Variants in CREB5 observed in about 807,000 individuals in gnomAD.
CREB5 encodes cyclic AMP-responsive element-binding protein 5.
In CREB5, 19 loss-of-function variants were observed where a neutral mutation model predicts 57.1. The observed-to-expected ratio is 0.33, with a 90% confidence interval of 0.23 to 0.49. The LOEUF (loss-of-function observed/expected upper bound fraction) is 0.49. Among genes scored for constraint, CREB5 ranks in the 20% least tolerant of loss-of-function variants. CREB5 has a pLI of 0.99. For synonymous variants in CREB5, 238 were observed against 238.3 expected (o/e 1.00, Z 0.01); for missense variants, 579 against 671.6 (o/e 0.86, Z 1.52).
chr7:28,710,476 A>G (rs947872743), intron 5 of CREB5, among the ~76,000 whole-genome samples: 2 of 152,190 alleles, frequency 1.3e-5, no homozygotes, highest in South Asian at 4.1e-4. Flanking sequence ...GAGAAGAGAC[A>G]TTTTTAAAAA....
At chr7:28,520,535 T>G (rs1299441421) in intron 4 of CREB5, among the ~76,000 whole-genome samples, 2 of 152,230 alleles carry the variant, frequency 1.3e-5, no homozygotes, top group African/African-American at 4.8e-5. Flanking sequence ...AACGGCTGTT[T>G]GGTGATTCTG....
chr7:28,793,332 C>T (rs1275068343), intron 7 of CREB5, among the ~76,000 whole-genome samples: 1 of 152,208 alleles, frequency 6.6e-6, no homozygotes, highest in African/African-American at 2.4e-5. Flanking sequence ...ACAATCTAAA[C>T]TTCCATACAG....
chr7:28,718,520 A>G (rs1802832576), intron 5 of CREB5, among the ~76,000 whole-genome samples: 1 of 152,246 alleles, frequency 6.6e-6, no homozygotes, highest in Non-Finnish European at 1.5e-5. Context: ...CAGTTAGATA[A>G]CAGAGGTCAG....
At chr7:28,535,283 G>A (rs1793906385) in intron 4 of CREB5, among the ~76,000 whole-genome samples, 1 of 135,802 alleles carries the variant, frequency 7.4e-6, no homozygotes, top group African/African-American at 2.7e-5. Flanking sequence ...AGTCCTCTGT[G>A]GTTAAACCAA....
intron 6 of CREB5, among the ~76,000 whole-genome samples, chr7:28,722,701 G>T (rs149481388): frequency 6.6e-6 from 1 of 152,280 alleles, no homozygotes; most frequent in East Asian, 1.9e-4. Flanking sequence ...GTACGGAAGT[G>T]CTTGGAAATG....
chr7:28,638,250 A>G (rs959355053), intron 5 of CREB5, among the ~76,000 whole-genome samples: 1 of 132,824 alleles, frequency 7.5e-6, no homozygotes, highest in Admixed American at 7.8e-5. Context: ...TTGCTATCTT[A>G]AAGAAAGAAA....
intron 1 of CREB5, among the ~76,000 whole-genome samples, chr7:28,447,391 A>T (rs1453419063): frequency 6.6e-6 from 1 of 152,228 alleles, no homozygotes; most frequent in African/African-American, 2.4e-5. Context: ...AGTTCCCTTC[A>T]AACAAGTTTC....
At chr7:28,306,635 A>C (rs1166990923) in intron 1 of CREB5, among the ~76,000 whole-genome samples, 1 of 130,310 alleles carries the variant, frequency 7.7e-6, no homozygotes, top group African/African-American at 2.9e-5. Flanking sequence ...ATCTCGGCTC[A>C]CTGCAAGCTC....
At chr7:28,395,712 G>A (rs534283579) in intron 1 of CREB5, among the ~76,000 whole-genome samples, 9 of 152,248 alleles carry the variant, frequency 5.9e-5, no homozygotes, top group Admixed American at 5.9e-4. Flanking sequence ...TACCCTGGTG[G>A]GGCCAAGAAT....
At chr7:28,792,577 G>A (rs1191327136) in intron 7 of CREB5, among the ~76,000 whole-genome samples, 4 of 152,146 alleles carry the variant, frequency 2.6e-5, no homozygotes, top group African/African-American at 9.7e-5. Context: ...TAACTTTCTA[G>A]ACACACACAC....
intron 9 of CREB5, among the ~76,000 whole-genome samples, chr7:28,816,235 G>A (rs539298991): frequency 1.8e-4 from 27 of 152,264 alleles, no homozygotes; most frequent in African/African-American, 6.0e-4. Flanking sequence ...AAGGCCATCT[G>A]AATTTAGATA....
chr7:28,415,374 G>A (rs1207469289), intron 1 of CREB5, among the ~76,000 whole-genome samples: 1 of 152,166 alleles, frequency 6.6e-6, no homozygotes, highest in African/African-American at 2.4e-5. Flanking sequence ...CCTGCCTCCA[G>A]GTCGGGTGCT....
chr7:28,560,803 T>TGC (rs1795060155), intron 4 of CREB5, among the ~76,000 whole-genome samples: 1 of 58,322 alleles, frequency 1.7e-5, no homozygotes, highest in Non-Finnish European at 3.8e-5. Context: ...CCACAGTGTG[T>TGC]GTGCGCGTGT....
intron 1 of CREB5, among the ~76,000 whole-genome samples, chr7:28,428,167 G>T (rs749379434): frequency 1.3e-5 from 2 of 152,174 alleles, no homozygotes; most frequent in Admixed American, 6.5e-5. Flanking sequence ...TGGTACAAGG[G>T]CCCTGCTGTT....
intron 5 of CREB5, among the ~76,000 whole-genome samples, chr7:28,600,296 G>A (rs1254888188): frequency 1.3e-5 from 2 of 152,106 alleles, no homozygotes; most frequent in Non-Finnish European, 1.5e-5. Context: ...AAAAACCATC[G>A]ACTGTCCTGA....
intron 1 of CREB5, among the ~76,000 whole-genome samples, chr7:28,418,362 A>T (rs748238852): frequency 9.9e-5 from 15 of 152,212 alleles, no homozygotes; most frequent in Non-Finnish European, 1.9e-4. Flanking sequence ...AAAAGTATAA[A>T]ATAAAAAATA....
intron 1 of CREB5, among the ~76,000 whole-genome samples, chr7:28,463,427 T>C (rs988151723): frequency 2.6e-5 from 4 of 152,212 alleles, no homozygotes; most frequent in African/African-American, 7.2e-5. Context: ...TGAATTTTCA[T>C]ATCGATTTTA....
intron 9 of CREB5, among the ~76,000 whole-genome samples, chr7:28,813,093 C>T (rs1437119618): frequency 1.3e-5 from 2 of 152,222 alleles, no homozygotes; most frequent in East Asian, 3.8e-4. Flanking sequence ...ACCACCTAAT[C>T]TGACATTTTG....
intron 7 of CREB5, among the ~76,000 whole-genome samples, chr7:28,756,762 A>G (rs1335054277): frequency 2.6e-5 from 4 of 152,148 alleles, no homozygotes; most frequent in Admixed American, 2.0e-4. Context: ...TGTCAGCCAC[A>G]ATGGTGTACT....
Sources: allele counts gnomAD v4.1 joint callset (sites outside exome capture counted in the v4.1 genomes callset), GRCh38; gene constraint gnomAD v4.1.1; transcripts MANE v1.5; gene names NCBI Gene and HGNC (gene_info 2026-07-23, HGNC 2026-07-21).